The following ZNF676 variants were observed in gnomAD, a reference collection of about 807,000 sequenced individuals.
ZNF676 encodes zinc finger protein 676.
ZNF676 carries 4 observed loss-of-function variants against 6.0 expected under a neutral mutation model. That is an observed-to-expected ratio of 0.67 (90% CI 0.33 to 1.53). The LOEUF (loss-of-function observed/expected upper bound fraction) is 1.53, where lower values mean the gene tolerates loss of function less well. Ranked by LOEUF, ZNF676 falls within the 40% of genes most tolerant of loss-of-function variation. ZNF676 has a pLI of 0.06. For missense variants in ZNF676, 644 were observed against 679.7 expected (o/e 0.95, Z 0.58); for synonymous variants, 198 against 223.1 (o/e 0.89, Z 1.00).
At chr19:22,236,657 C>A in the ZNF676 span, among the ~76,000 whole-genome samples, 2 of 152,144 alleles carry the variant, frequency 1.3e-5, no homozygotes, top group Non-Finnish European at 2.9e-5. Flanking sequence ...TGGCTCAAGT[C>A]TGGAAATTGA....
chr19:22,235,151 G>GGAAA, the ZNF676 span, among the ~76,000 whole-genome samples: 33 of 120,982 alleles, frequency 2.7e-4, no homozygotes, highest in African/African-American at 8.7e-4. Context: ...AAGGAAGGAA[G>GGAAA]GAAAGAAAGA....
At chr19:22,250,138 T>C in the ZNF676 span, among the ~76,000 whole-genome samples, 1 of 150,814 alleles carries the variant, frequency 6.6e-6, no homozygotes, top group Non-Finnish European at 1.5e-5. Flanking sequence ...GCCAAGATCA[T>C]GCCACTGCAC....
chr19:22,216,122 A>C (rs2024186216), upstream of ZNF676, among the ~76,000 whole-genome samples: 1 of 152,226 alleles, frequency 6.6e-6, no homozygotes, highest in South Asian at 2.1e-4. Flanking sequence ...ATCAATTTTT[A>C]CTTTAGTAAT....
chr19:22,190,613 A>AT, intron 2 of ZNF676, among the ~76,000 whole-genome samples: 2 of 99,676 alleles, frequency 2.0e-5, no homozygotes, highest in Non-Finnish European at 4.6e-5. Context: ...AAATTAGACT[A>AT]ATAAAATAGA....
Position 22,181,252 on chromosome 19 carries a change from G to A in ZNF676, c.465C>T (p.His155=), listed in dbSNP as rs779786446. The change falls in exon 3 of 3, where the codon CAC becomes CAT. Residue 155 remains histidine (H), a synonymous_variant. Coordinates refer to ENST00000397121, the MANE Select transcript of ZNF676 (RefSeq NM_001001411.3). ...TATAAATTCTTTCATGTTGAGATAG[G>A]TGTGAAAGCATGCAAAATGATCTGA... The part of the protein sequence containing the change: ...EYVRSFCMLS[H]LSQHERIYTR... The A allele has an allele frequency of 1.9e-6, 3 of 1,613,652 alleles. No homozygotes were observed. The highest frequency in any genetic ancestry group is 2.7e-5 in the African/African-American group (2 of 74,904).
upstream of ZNF676, among the ~76,000 whole-genome samples, chr19:22,217,804 A>T (rs1362931547): frequency 1.3e-5 from 2 of 152,014 alleles, no homozygotes; most frequent in African/African-American, 4.8e-5. Context: ...CCCGGGTTCA[A>T]GCGATTCTCC....
At chr19:22,213,589 T>G (rs903185436) in intron 1 of ZNF676, among the ~76,000 whole-genome samples, 8 of 144,590 alleles carry the variant, frequency 5.5e-5, no homozygotes, top group African/African-American at 2.3e-4. Flanking sequence ...TCAGGTTGTC[T>G]TATGAAAGAT....
chr19:22,235,031 A>AGAAG, the ZNF676 span, among the ~76,000 whole-genome samples: 1 of 147,650 alleles, frequency 6.8e-6, no homozygotes, highest in Non-Finnish European at 1.5e-5. Flanking sequence ...AAAGAAAGAA[A>AGAAG]GAAAAGAAAA....
chr19:22,219,238 A>G (rs1172854806), upstream of ZNF676, among the ~76,000 whole-genome samples: 2 of 151,912 alleles, frequency 1.3e-5, no homozygotes, highest in African/African-American at 2.4e-5. Flanking sequence ...AGCTGGGATT[A>G]CAGCCACTTG....
Position 22,180,138 on chromosome 19 carries a change from G to A in ZNF676, c.1579C>T (p.His527Tyr). Residue 527 changes from histidine (H) to tyrosine (Y), a missense_variant, in exon 3 of 3, where the codon CAT becomes TAT. By Grantham distance (83) the His-to-Tyr change is moderately conservative (BLOSUM62 2). Around this residue, in one of 5 missense-constraint regions of ZNF676, gnomAD observed 306 missense variants for 265.4 expected, o/e 1.15. Transcript: ENST00000397121. ...CATTTGTAGGGTTTCTCTCCAGTAT[G>A]AATTATCTTATGTTCAGTAAGGATC... ...SSILTEHKII[H>Y]TGEKPYKCEE... is the part of the protein sequence containing the mutation. 1.2e-6 allele frequency: 2 copies of A among 1,613,682 alleles called. No homozygotes were observed. The highest frequency in any genetic ancestry group is 2.2e-5 in the South Asian group (2 of 91,064).
chr19:22,259,119 A>G, the ZNF676 span, among the ~76,000 whole-genome samples: 1 of 152,170 alleles, frequency 6.6e-6, no homozygotes, highest in Non-Finnish European at 1.5e-5. Context: ...ACTGCCAGTA[A>G]CAGGTAACAG....
the ZNF676 span, among the ~76,000 whole-genome samples, chr19:22,249,402 T>G: frequency 6.6e-6 from 1 of 151,896 alleles, no homozygotes; most frequent in African/African-American, 2.4e-5. Context: ...TATTATTCAG[T>G]TTTTTTTGTT....
the ZNF676 span, among the ~76,000 whole-genome samples, chr19:22,228,951 T>C: frequency 6.6e-6 from 1 of 152,074 alleles, no homozygotes; most frequent in Non-Finnish European, 1.5e-5. Context: ...ATAGACCCAA[T>C]GCCATCCCCA....
chr19:22,235,155 A>AAGGAAG, the ZNF676 span, among the ~76,000 whole-genome samples: 4 of 71,356 alleles, frequency 5.6e-5, no homozygotes, highest in African/African-American at 2.4e-4. Context: ...AAGGAAGGAA[A>AAGGAAG]GAAAGAAAGA....
At chr19:22,187,057 C>G (rs749160491) in intron 2 of ZNF676, among the ~76,000 whole-genome samples, 14 of 152,146 alleles carry the variant, frequency 9.2e-5, no homozygotes, top group Non-Finnish European at 1.9e-4. Context: ...CCCAAATCAA[C>G]AGAATATACA....
chr19:22,206,240 A>G (rs2094964675), intron 1 of ZNF676, among the ~76,000 whole-genome samples: 1 of 152,212 alleles, frequency 6.6e-6, no homozygotes, highest in East Asian at 1.9e-4. Context: ...CTACCAGAAC[A>G]ATTTCAAAAG....
chr19:22,258,219 C>T, the ZNF676 span, among the ~76,000 whole-genome samples: 11 of 152,138 alleles, frequency 7.2e-5, no homozygotes, highest in Admixed American at 4.6e-4. Context: ...ATGTCACAAC[C>T]TCTTCTATGG....
chr19:22,179,845 G>T lies in ZNF676; in HGVS notation c.*105C>A. ...AATAAAGATTGAGGACTGTTTAAAA[G>T]CTTTGCCACATTCTTCACCTTTGTA... is the stretch of plus-strand genomic sequence containing the variant. On this transcript the variant is annotated 3_prime_UTR_variant, in exon 3 of 3. Transcript: ENST00000397121. The T allele has an allele frequency of 7.7e-7, 1 of 1,303,398 alleles. No homozygotes were observed. Among genetic ancestry groups the T allele is most frequent in the Non-Finnish European group, 1.1e-6 (1 of 912,566 alleles). The allele number at this position is 1,303,398 out of a possible 1,614,324, so 80.7% of individuals were successfully genotyped here. A position where few individuals can be genotyped will look rare whatever the true frequency, so the allele number is the denominator to read the frequency against.
chr19:22,248,559 G>C, the ZNF676 span, among the ~76,000 whole-genome samples: 2 of 152,198 alleles, frequency 1.3e-5, no homozygotes, highest in Non-Finnish European at 2.9e-5. Flanking sequence ...TGACTGAGAA[G>C]TCACCGCCTG....
Sources: allele counts gnomAD v4.1 joint callset (sites outside exome capture counted in the v4.1 genomes callset), GRCh38; gene constraint gnomAD v4.1.1; regional missense constraint gnomAD v4.1.1; transcripts MANE v1.5; gene names NCBI Gene and HGNC (gene_info 2026-07-23, HGNC 2026-07-21).